The following SYN3 variants were observed in gnomAD, a reference collection of about 807,000 sequenced individuals.
SYN3 encodes the protein synapsin-3.
SYN3 carries 35 observed loss-of-function variants against 65.8 expected under a neutral mutation model. That is an observed-to-expected ratio of 0.53 (90% CI 0.41 to 0.70). SYN3 has a LOEUF of 0.70. Among genes scored for constraint, SYN3 ranks in the 30% least tolerant of loss-of-function variants. The probability of loss-of-function intolerance (pLI) is 0.00; values close to 1 mark genes in which losing one functional copy is unlikely to be tolerated. For synonymous variants in SYN3, 270 were observed against 292.9 expected (o/e 0.92, Z 0.80); for missense variants, 680 against 749.0 (o/e 0.91, Z 1.08).
At chr22:32,606,703 G>A (rs1346923541) in intron 6 of SYN3, among the ~76,000 whole-genome samples, 1 of 152,076 alleles carries the variant, frequency 6.6e-6, no homozygotes, top group Non-Finnish European at 1.5e-5. Context: ...TAGTATACTA[G>A]TGCTGTCCCC....
intron 6 of SYN3, among the ~76,000 whole-genome samples, chr22:32,723,053 T>A (rs1340249294): frequency 6.6e-6 from 1 of 152,152 alleles, no homozygotes; most frequent in Non-Finnish European, 1.5e-5. Flanking sequence ...AAGAATTGAG[T>A]GACTTTCCCA....
intron 6 of SYN3, among the ~76,000 whole-genome samples, chr22:32,810,692 T>C (rs1480485093): frequency 6.6e-6 from 1 of 152,156 alleles, no homozygotes; most frequent in Non-Finnish European, 1.5e-5. Flanking sequence ...AGAAGAGCTG[T>C]TTCATTCAGA....
At chr22:32,925,814 C>T (rs1474570123) in intron 4 of SYN3, among the ~76,000 whole-genome samples, 2 of 151,374 alleles carry the variant, frequency 1.3e-5, no homozygotes, top group Non-Finnish European at 2.9e-5. Context: ...TAAAATAATT[C>T]CTAGGTGATT....
In SYN3 at chr22:32,509,150, T is replaced by G. The variant is rs1207079507; in HGVS notation, c.*4542A>C. Among the ~76,000 whole-genome samples, 1 of 152,238 alleles carries G rather than the reference T, an allele frequency of 6.6e-6. No homozygotes were observed. The highest frequency in any genetic ancestry group is 1.9e-4 in the East Asian group (1 of 5,196). On this transcript the variant is annotated 3_prime_UTR_variant, in exon 14 of 14. Coordinates refer to ENST00000358763, the MANE Select transcript of SYN3 (RefSeq NM_003490.4). ...TACATTTAACCAAAGTACGGTACCA[T>G]TTTATCGCGCTGACGGGAGGAAGAT...
chr22:32,954,608 T>C (rs1207600016), intron 3 of SYN3, among the ~76,000 whole-genome samples: 1 of 152,208 alleles, frequency 6.6e-6, no homozygotes, highest in Non-Finnish European at 1.5e-5. Flanking sequence ...GGATGGGTTC[T>C]GGGTGCATTA....
intron 4 of SYN3, among the ~76,000 whole-genome samples, chr22:32,877,258 C>CT (rs1331292795): frequency 6.6e-6 from 1 of 152,216 alleles, no homozygotes; most frequent in Non-Finnish European, 1.5e-5. Context: ...CAATGAGGCT[C>CT]TAGTAAAATA....
intron 6 of SYN3, among the ~76,000 whole-genome samples, chr22:32,663,698 T>C (rs1341722132): frequency 1.3e-5 from 2 of 152,206 alleles, no homozygotes; most frequent in African/African-American, 4.8e-5. Context: ...AAATATGAAT[T>C]GTGTAATTTT....
At chr22:33,028,837 G>A (rs906160139) in intron 1 of SYN3, among the ~76,000 whole-genome samples, 3 of 152,056 alleles carry the variant, frequency 2.0e-5, no homozygotes, top group East Asian at 1.9e-4. Flanking sequence ...TCAGGAGATC[G>A]AGACCATCCT....
chr22:32,840,355 T>C (rs1454983219), intron 6 of SYN3, among the ~76,000 whole-genome samples: 1 of 152,062 alleles, frequency 6.6e-6, no homozygotes, highest in Non-Finnish European at 1.5e-5. Context: ...GGTCTGGCCT[T>C]GGCGTTGACA....
chr22:32,650,394 G>A (rs2073537587), intron 6 of SYN3, among the ~76,000 whole-genome samples: 1 of 151,764 alleles, frequency 6.6e-6, no homozygotes, highest in Non-Finnish European at 1.5e-5. Context: ...AGCCTCCCGA[G>A]TAGCTGGTAC....
At chr22:32,794,486 G>C (rs1429388370) in intron 6 of SYN3, among the ~76,000 whole-genome samples, 2 of 152,152 alleles carry the variant, frequency 1.3e-5, no homozygotes, top group African/African-American at 4.8e-5. Flanking sequence ...ACCTCTGTTG[G>C]GGTGAATGTG....
chr22:32,725,145 A>ACAACACAACG (rs2061173193), intron 6 of SYN3, among the ~76,000 whole-genome samples: 1 of 152,012 alleles, frequency 6.6e-6, no homozygotes, highest in Non-Finnish European at 1.5e-5. Flanking sequence ...ACAACACAAC[A>ACAACACAACG]CAACACAACG....
At chr22:32,623,514 A>G (rs1342316062) in intron 6 of SYN3, among the ~76,000 whole-genome samples, 1 of 152,110 alleles carries the variant, frequency 6.6e-6, no homozygotes, top group African/African-American at 2.4e-5. Flanking sequence ...GAAAATATGT[A>G]TTGTGCACTT....
intron 1 of SYN3, among the ~76,000 whole-genome samples, chr22:33,039,584 C>T (rs568295891): frequency 6.6e-6 from 1 of 152,052 alleles, no homozygotes; most frequent in African/African-American, 2.4e-5. Context: ...TTAGTAGAAA[C>T]GGAGTTTCAT....
At chr22:32,985,062 C>G (rs896943351) in intron 2 of SYN3, among the ~76,000 whole-genome samples, 3 of 152,206 alleles carry the variant, frequency 2.0e-5, no homozygotes, top group African/African-American at 4.8e-5. Context: ...AGGACCCCAA[C>G]TCCTCCACTC....
chr22:32,634,141 T>G (rs2059783274), intron 6 of SYN3, among the ~76,000 whole-genome samples: 1 of 152,214 alleles, frequency 6.6e-6, no homozygotes, highest in East Asian at 1.9e-4. Flanking sequence ...AATAACTTAC[T>G]AAAGTCTCAT....
At position 32,509,724 on chromosome 22, in the gene SYN3, A is replaced by G. The variant is rs1412610030; in HGVS notation, c.*3968T>C. Among the ~76,000 whole-genome samples, 1 of 151,794 alleles carries G rather than the reference A, an allele frequency of 6.6e-6. No homozygotes were observed. The highest frequency in any genetic ancestry group is 1.5e-5 in the Non-Finnish European group (1 of 67,968). ...GCTGGGACTACAGGCGCCCGCTACC[A>G]CGCCCGGCTAATTTTTTATATTTTT... is the stretch of plus-strand genomic sequence containing the variant. On this transcript the variant is annotated 3_prime_UTR_variant, in exon 14 of 14. Transcript: ENST00000358763.
intron 7 of SYN3, among the ~76,000 whole-genome samples, chr22:32,582,855 G>T (rs1006337568): frequency 2.0e-5 from 3 of 152,180 alleles, no homozygotes; most frequent in Non-Finnish European, 4.4e-5. Flanking sequence ...TGTTAGAGTG[G>T]CCAGGGGCCT....
chr22:32,899,337 T>C (rs552066168), intron 4 of SYN3, among the ~76,000 whole-genome samples: 2 of 152,314 alleles, frequency 1.3e-5, no homozygotes, highest in East Asian at 3.9e-4. Context: ...GGCACTGTGC[T>C]AAGAACTTAG....
Sources: gnomAD v4.1 joint callset for allele counts (sites outside exome capture counted in the v4.1 genomes callset) on GRCh38, gnomAD v4.1.1 for gene constraint, MANE v1.5 for transcripts, NCBI Gene and HGNC (gene_info 2026-07-23, HGNC 2026-07-21) for gene names.